Variants in SLC10A6 observed in about 807,000 individuals in gnomAD.
The protein encoded by SLC10A6 is solute carrier family 10 member 6, also known as sodium-dependent organic anion transporter.
A neutral mutation model predicts 30.0 loss-of-function variants in SLC10A6; 27 were observed. The observed-to-expected ratio is 0.90, with a 90% CI of 0.66 to 1.24. The LOEUF (loss-of-function observed/expected upper bound fraction) is 1.24, where lower values mean the gene tolerates loss of function less well. Among genes scored for constraint, SLC10A6 ranks in the 50% most tolerant of loss-of-function variants. The pLI is 0.00. For synonymous variants in SLC10A6, 166 were observed against 173.8 expected, an observed-to-expected ratio of 0.95 and a Z score of 0.36; for missense variants, 439 against 457.0, an observed-to-expected ratio of 0.96 and a Z score of 0.36.
In SLC10A6 at chr4:86,828,102, C is replaced by CTT. The variant is rs1746025577; in HGVS notation, c.650_651dup (p.Gly218LysfsTer11). ...AGGGTGATGTCTGAATTCCAAGATCCTTTCGCCAGGACCACACCAGCAACT... is the reference window on the plus strand; with the variant it reads ...AGGGTGATGTCTGAATTCCAAGATCCTTTTTCGCCAGGACCACACCAGCAACT... On this transcript the variant is annotated frameshift_variant, in exon 4 of 6. Coordinates refer to ENST00000273905, the MANE Select transcript of SLC10A6 (RefSeq NM_197965.3). LOFTEE classifies it high-confidence loss of function. 4 of 1,613,722 alleles carry CTT rather than the reference C, an allele frequency of 2.5e-6. No homozygotes were observed. The highest frequency in any genetic ancestry group is 8.5e-7 in the Non-Finnish European group (1 of 1,179,882).
At chr4:86,839,902 TA>T (rs1237056693) in intron 1 of SLC10A6, among the ~76,000 whole-genome samples, 3 of 124,544 alleles carry the variant, frequency 2.4e-5, no homozygotes, top group African/African-American at 8.5e-5. Context: ...GTTACACTCT[TA>T]TTTTTTTTTT....
In SLC10A6 at chr4:86,829,329, T is replaced by C. The variant is rs577262880; in HGVS notation, c.586-1161A>G. Among the ~76,000 whole-genome samples, 3 of 152,224 alleles carry C rather than the reference T, an allele frequency of 2.0e-5. No individual in the cohort carries two copies. In the South Asian group the frequency reaches 6.2e-4, roughly 32 times the overall value. On this transcript the variant is annotated intron_variant, in intron 3 of 5. Transcript: ENST00000273905. The stretch of plus-strand genomic sequence containing the variant: ...AAGAGGCTGAGGCAGGAGAATTACT[T>C]GAACCCAGGAGGTGGAGGTTGCAGT...
intron 1 of SLC10A6, among the ~76,000 whole-genome samples, chr4:86,837,290 A>AGGG (rs1746211237): frequency 1.6e-5 from 1 of 62,736 alleles, no homozygotes; most frequent in Non-Finnish European, 3.5e-5. Context: ...AAAGAAAAAG[A>AGGG]AAGGAAGGAA....
At chr4:86,836,744 AT>A (rs766004384) in intron 1 of SLC10A6, among the ~76,000 whole-genome samples, 3 of 151,956 alleles carry the variant, frequency 2.0e-5, no homozygotes, top group Non-Finnish European at 4.4e-5. Flanking sequence ...TTTGTTGCAG[AT>A]TTTTTGGGGT....
Position 86,849,104 on chromosome 4 carries a change from A to G in SLC10A6, c.12T>C (p.Asn4=), listed in dbSNP as rs1746442310. Residue 4 remains asparagine (N), a synonymous_variant, in exon 1 of 6, where the codon AAT becomes AAC. Coordinates refer to ENST00000273905, the MANE Select transcript of SLC10A6 (RefSeq NM_197965.3). MRA[N]CSSSSACPAN... Reference sequence around the variant, plus strand: ...CAGGGCAGGCTGAGCTGCTGGAACAATTGGCTCTCATCTCCTCATCTCCTT... The same window carrying G: ...CAGGGCAGGCTGAGCTGCTGGAACAGTTGGCTCTCATCTCCTCATCTCCTT... The G allele has an allele frequency of 6.2e-7, 1 of 1,612,866 alleles. No individual in the cohort carries two copies. Among genetic ancestry groups the G allele is most frequent in the African/African-American group, 1.3e-5 (1 of 75,022 alleles).
chr4:86,838,309 T>TA (rs747203932), intron 1 of SLC10A6, among the ~76,000 whole-genome samples: 4 of 152,192 alleles, frequency 2.6e-5, no homozygotes, highest in Non-Finnish European at 4.4e-5. Flanking sequence ...CACAAGTACT[T>TA]ATGTACCTGT....
chr4:86,826,290 T>G (rs1560457724), intron 4 of SLC10A6, among the ~76,000 whole-genome samples: 3 of 151,854 alleles, frequency 2.0e-5, no homozygotes, highest in Admixed American at 6.6e-5. Context: ...TAAAAACAAA[T>G]AAACAAGGCC....
intron 1 of SLC10A6, among the ~76,000 whole-genome samples, chr4:86,837,229 A>AGAG (rs1560460266): frequency 3.3e-5 from 2 of 61,322 alleles, no homozygotes; most frequent in African/African-American, 8.9e-5. Flanking sequence ...GAGAGAGAGA[A>AGAG]AGAAAGAAAG....
chr4:86,824,996 A>G (rs1057108045), intron 5 of SLC10A6, among the ~76,000 whole-genome samples: 11 of 152,220 alleles, frequency 7.2e-5, no homozygotes, highest in African/African-American at 2.7e-4. Context: ...GCCATTCAGC[A>G]CAAGTCTTAG....
chr4:86,837,281 A>AAGAGAGAGAG (rs1273692050), intron 1 of SLC10A6, among the ~76,000 whole-genome samples: 1 of 90,378 alleles, frequency 1.1e-5, no homozygotes, highest in African/African-American at 5.1e-5. Flanking sequence ...GAAAGAAAGA[A>AAGAGAGAGAG]AGAAAAAGAA....
chr4:86,840,467 TTTC>T (rs1332568937), intron 1 of SLC10A6, among the ~76,000 whole-genome samples: 1 of 152,138 alleles, frequency 6.6e-6, no homozygotes. Flanking sequence ...GGCTTCTGAG[TTTC>T]TTATCTTAAA....
rs1160718703 is a variant in SLC10A6 at position 86,848,789 on chromosome 4, G to A, written c.327C>T (p.Gly109=). The change falls in exon 1 of 6, where the codon GGC becomes GGT. Residue 109 remains glycine (G), a synonymous_variant. Transcript: ENST00000273905. The part of the protein sequence containing the change: ...AVLIMGCCPG[G]TISNIFTFWV... ...AGAAGGTGAAAATGTTAGAGATGGT[G>A]CCCCCCGGGCAGCAGCCCATGATGA... 36 of 1,610,872 alleles carry A rather than the reference G, an allele frequency of 2.2e-5. No homozygotes were observed. In the South Asian group the frequency reaches 3.7e-4, roughly 16 times the overall value.
intron 1 of SLC10A6, among the ~76,000 whole-genome samples, chr4:86,847,489 T>C (rs1746410792): frequency 6.6e-6 from 1 of 152,122 alleles, no homozygotes; most frequent in South Asian, 2.1e-4. Flanking sequence ...ACAAAAGCAG[T>C]GTATATTAGT....
rs752584135 is a variant in SLC10A6 at position 86,828,040 on chromosome 4, A to G, written c.714T>C (p.His238=). Residue 238 remains histidine, a synonymous_variant, in exon 4 of 6, where the codon CAT becomes CAC. Transcript: ENST00000273905. ...TISFIFPLIG[H]VTGFLLALFT... is the part of the protein sequence containing the mutation. ...AAAGTGCCAGCAGAAAACCCGTGAC[A>G]TGGCCAATCAAAGGAAAGATGAAAC... 2 of 1,613,986 alleles carry G rather than the reference A, an allele frequency of 1.2e-6. No individual in the cohort carries two copies. The highest frequency in any genetic ancestry group is 2.2e-5 in the South Asian group (2 of 91,054).
intron 1 of SLC10A6, among the ~76,000 whole-genome samples, chr4:86,835,728 GAAGAAAGA>G (rs61441755): frequency 6.8e-6 from 1 of 147,044 alleles, no homozygotes; most frequent in Non-Finnish European, 1.5e-5. Flanking sequence ...AAGAAAAGGA[GAAGAAAGA>G]AAGAAAGAAA....
chr4:86,837,281 A>G (rs58425767), intron 1 of SLC10A6, among the ~76,000 whole-genome samples: 2,484 of 89,862 alleles, frequency 0.028, 192 homozygotes, highest in African/African-American at 0.12. Flanking sequence ...GAAAGAAAGA[A>G]AGAAAAAGAA....
At chr4:86,840,588 G>A (rs1263127658) in intron 1 of SLC10A6, among the ~76,000 whole-genome samples, 1 of 152,074 alleles carries the variant, frequency 6.6e-6, no homozygotes, top group Non-Finnish European at 1.5e-5. Flanking sequence ...ACAGGTATGA[G>A]ACTAATCCAT....
At chr4:86,843,737 G>A (rs574326450) in intron 1 of SLC10A6, among the ~76,000 whole-genome samples, 2 of 152,302 alleles carry the variant, frequency 1.3e-5, no homozygotes, top group African/African-American at 4.8e-5. Context: ...CACAGACCCA[G>A]GACACGATGT....
intron 1 of SLC10A6, among the ~76,000 whole-genome samples, chr4:86,840,854 AGC>A (rs1236961763): frequency 6.6e-6 from 1 of 152,180 alleles, no homozygotes; most frequent in Non-Finnish European, 1.5e-5. Context: ...AACTTGTCTT[AGC>A]AGTTCTTGCT....
Sources: gnomAD v4.1 joint callset for allele counts (sites outside exome capture counted in the v4.1 genomes callset) on GRCh38, gnomAD v4.1.1 for gene constraint, MANE v1.5 for transcripts, NCBI Gene and HGNC (gene_info 2026-07-23, HGNC 2026-07-21) for gene names.